GRIA2: variants seen among roughly 807,000 people sequenced by gnomAD.
The protein encoded by GRIA2 is glutamate receptor 2.
Under a neutral mutation model 97.3 loss-of-function variants are expected in GRIA2, and 14 were observed. That is an observed-to-expected ratio of 0.14 (90% CI 0.10 to 0.23). The LOEUF (loss-of-function observed/expected upper bound fraction) is 0.23. Ranked by LOEUF, GRIA2 falls within the 10% of genes least tolerant of loss-of-function variation. GRIA2 has a pLI of 1.00. For missense variants in GRIA2, 558 were observed against 1,069.8 expected (o/e 0.52, Z 6.67); for synonymous variants, 412 against 387.8 (o/e 1.06, Z -0.73).
At chr4:157,341,679 AT>A (rs1409301429) in intron 12 of GRIA2, among the ~76,000 whole-genome samples, 1 of 152,080 alleles carries the variant, frequency 6.6e-6, no homozygotes, top group African/African-American at 2.4e-5. Context: ...AAAAATCACA[AT>A]GTTGCAATGA....
At chr4:157,360,224 G>T in intron 13 of GRIA2, 81 bp downstream of exon 13, 1 of 1,423,328 alleles carries the variant, frequency 7.0e-7, no homozygotes, top group East Asian at 2.3e-5. Flanking sequence ...ACTCTCTTAC[G>T]GTTTGTATAC....
At chr4:157,338,901 A>C (rs2126946199) in intron 11 of GRIA2, among the ~76,000 whole-genome samples, 1 of 152,140 alleles carries the variant, frequency 6.6e-6, no homozygotes, top group East Asian at 1.9e-4. Context: ...ACAGTAGCTT[A>C]TTATCATTTT....
At chr4:157,324,445 A>C (rs144987422) in intron 6 of GRIA2, among the ~76,000 whole-genome samples, 1 of 152,346 alleles carries the variant, frequency 6.6e-6, no homozygotes, top group Middle Eastern at 3.4e-3. Flanking sequence ...ATAGACTGAT[A>C]AAATATGCCA....
At chr4:157,319,353 T>G (rs1734459162) in intron 5 of GRIA2, among the ~76,000 whole-genome samples, 1 of 152,166 alleles carries the variant, frequency 6.6e-6, no homozygotes, top group Admixed American at 6.6e-5. Context: ...GGCTCCTCAA[T>G]TTGAGAGCTG....
intron 2 of GRIA2, among the ~76,000 whole-genome samples, chr4:157,264,332 C>T (rs896970810): frequency 1.3e-5 from 2 of 152,000 alleles, no homozygotes; most frequent in Non-Finnish European, 2.9e-5. Flanking sequence ...AATTCATTTC[C>T]TTGCCTTGTC....
chr4:157,352,685 A>C (rs1736062709), intron 12 of GRIA2, among the ~76,000 whole-genome samples: 1 of 141,902 alleles, frequency 7.0e-6, no homozygotes, highest in South Asian at 2.2e-4. Context: ...ATGCCATTGC[A>C]CTCCAGCCTA....
chr4:157,262,457 A>G (rs1331399063), intron 2 of GRIA2, among the ~76,000 whole-genome samples: 1 of 152,036 alleles, frequency 6.6e-6, no homozygotes, highest in Non-Finnish European at 1.5e-5. Context: ...AATCAGGAAG[A>G]AGATTGTTAC....
At chr4:157,260,609 T>C (rs1362467877) in intron 2 of GRIA2, among the ~76,000 whole-genome samples, 1 of 152,098 alleles carries the variant, frequency 6.6e-6, no homozygotes, top group Non-Finnish European at 1.5e-5. Flanking sequence ...TACAATTTAG[T>C]AACCTGGCCA....
At position 157,312,749 on chromosome 4, in the gene GRIA2, G is replaced by A. The variant is rs932221532; in HGVS notation, c.540G>A (p.Val180=). ...AATGGCAAGTGACTGCTATCAATGT[G>A]GGAAACATTAACAATGACAAGAAAG... ...EKKWQVTAIN[V]GNINNDKKDE... Residue 180 remains valine (V), a synonymous_variant, in exon 4 of 16, where the codon GTG becomes GTA. Transcript: ENST00000264426. 7.5e-6 allele frequency: 12 copies of A among 1,608,824 alleles called. No individual in the cohort carries two copies. The highest frequency in any genetic ancestry group is 1.0e-5 in the Non-Finnish European group (12 of 1,175,860).
chr4:157,283,236 TA>T (rs1163735772), intron 2 of GRIA2, among the ~76,000 whole-genome samples: 1 of 151,972 alleles, frequency 6.6e-6, no homozygotes, highest in Non-Finnish European at 1.5e-5. Flanking sequence ...GTATTATTAA[TA>T]TAGTGACCCC....
chr4:157,299,474 A>T (rs553126746), intron 2 of GRIA2, among the ~76,000 whole-genome samples: 1 of 152,252 alleles, frequency 6.6e-6, no homozygotes, highest in South Asian at 2.1e-4. Flanking sequence ...TATAAATCTA[A>T]AATATGTAAA....
intron 4 of GRIA2, among the ~76,000 whole-genome samples, chr4:157,315,914 A>G (rs544390468): frequency 6.6e-5 from 10 of 152,318 alleles, no homozygotes; most frequent in Non-Finnish European, 1.3e-4. Context: ...CATCAAAAAC[A>G]TTTATAAATT....
intron 3 of GRIA2, 58 bp downstream of exon 3, chr4:157,303,849 A>G: frequency 3.9e-6 from 6 of 1,533,260 alleles, no homozygotes; most frequent in Non-Finnish European, 5.4e-6. Context: ...TACACTTGAC[A>G]CTTCTATGGA....
chr4:157,303,260 A>AT, intron 2 of GRIA2, among the ~76,000 whole-genome samples: 1 of 152,194 alleles, frequency 6.6e-6, no homozygotes, highest in African/African-American at 2.4e-5. Flanking sequence ...TTACCCATAC[A>AT]TTTTTCATAT....
In GRIA2 at chr4:157,361,199, A is replaced by C; in HGVS notation, c.2406+75A>C. ...AGCAGCAGCTATGCACAGTGTGGGCACTCCGTGCCACCAAGTTTCCAACGC... is the reference window on the plus strand; with the variant it reads ...AGCAGCAGCTATGCACAGTGTGGGCCCTCCGTGCCACCAAGTTTCCAACGC... On this transcript the variant is annotated intron_variant, in intron 14 of 15. Transcript: ENST00000264426. The surrounding 1 kb of genome is among the most constrained non-coding windows in gnomAD (Gnocchi z 5.2). 4 of 1,114,450 alleles carry C rather than the reference A, an allele frequency of 3.6e-6. No individual in the cohort carries two copies. The highest frequency in any genetic ancestry group is 5.4e-6 in the Non-Finnish European group (4 of 746,706). 69.0% of individuals were successfully genotyped at this position (1,114,450 alleles called of 1,614,324 possible).
intron 2 of GRIA2, among the ~76,000 whole-genome samples, chr4:157,244,016 A>G (rs1054185041): frequency 1.3e-5 from 2 of 152,052 alleles, no homozygotes; most frequent in African/African-American, 4.8e-5. Flanking sequence ...AACTAGTTGA[A>G]GACAATATGT....
chr4:157,297,974 T>G (rs1733426708), intron 2 of GRIA2, among the ~76,000 whole-genome samples: 1 of 152,056 alleles, frequency 6.6e-6, no homozygotes, highest in South Asian at 2.1e-4. Context: ...GATGAAAGTT[T>G]GGAAAATATT....
chr4:157,324,224 G>A (rs1009681265), intron 6 of GRIA2, among the ~76,000 whole-genome samples: 2 of 152,050 alleles, frequency 1.3e-5, no homozygotes, highest in African/African-American at 4.8e-5. Flanking sequence ...CCACCCAGAG[G>A]CATATTTTAT....
At chr4:157,254,111 A>G (rs973818072) in intron 2 of GRIA2, among the ~76,000 whole-genome samples, 16 of 152,090 alleles carry the variant, frequency 1.1e-4, no homozygotes, top group East Asian at 9.7e-4. Context: ...ATCCAGAAAT[A>G]TGTATGTATG....
Sources: allele counts gnomAD v4.1 joint callset (sites outside exome capture counted in the v4.1 genomes callset), GRCh38; gene constraint gnomAD v4.1.1; non-coding constraint Gnocchi (gnomAD v3.1); transcripts MANE v1.5; gene names NCBI Gene and HGNC (gene_info 2026-07-23, HGNC 2026-07-21).